Variants in EPHA6 observed in about 807,000 individuals in gnomAD.
EPHA6 encodes the protein ephrin type-A receptor 6.
A neutral mutation model predicts 112.0 loss-of-function variants in EPHA6; 50 were observed. The ratio of observed to expected loss-of-function variants is 0.45; its 90% CI spans 0.36 to 0.56. EPHA6 has a LOEUF of 0.56. Ranked by LOEUF, EPHA6 falls within the 20% of genes least tolerant of loss-of-function variation. The probability of loss-of-function intolerance (pLI) is 0.00; values close to 1 mark genes in which losing one functional copy is unlikely to be tolerated. For synonymous variants in EPHA6, 529 were observed against 490.7 expected (o/e 1.08, Z -1.03); for missense variants, 1,280 against 1,417.4 (o/e 0.90, Z 1.56).
At chr3:97,571,937 C>G (rs1030170503) in intron 11 of EPHA6, among the ~76,000 whole-genome samples, 2 of 152,168 alleles carry the variant, frequency 1.3e-5, no homozygotes, top group African/African-American at 2.4e-5. Context: ...ATCAGCTTTT[C>G]CATATACCTC....
At chr3:97,632,452 T>G (rs994162789) in intron 13 of EPHA6, among the ~76,000 whole-genome samples, 3 of 151,994 alleles carry the variant, frequency 2.0e-5, no homozygotes, top group African/African-American at 7.2e-5. Flanking sequence ...CAAAGCCAAG[T>G]TGGACCAAGT....
intron 3 of EPHA6, among the ~76,000 whole-genome samples, chr3:97,199,431 A>C (rs2077522969): frequency 6.6e-6 from 1 of 152,126 alleles, no homozygotes; most frequent in Admixed American, 6.6e-5. Context: ...TACCCGTTTC[A>C]GAGATTCTGA....
intron 5 of EPHA6, among the ~76,000 whole-genome samples, chr3:97,346,028 C>A (rs187132876): frequency 6.6e-5 from 10 of 152,156 alleles, no homozygotes; most frequent in African/African-American, 2.4e-4. Context: ...AAATGCTACA[C>A]CTCCTCTCAT....
intron 7 of EPHA6, among the ~76,000 whole-genome samples, chr3:97,467,114 T>C (rs748269139): frequency 2.0e-5 from 3 of 151,814 alleles, no homozygotes; most frequent in Non-Finnish European, 2.9e-5. Flanking sequence ...TCTCTCTCAC[T>C]AAAGAGAAAC....
intron 3 of EPHA6, among the ~76,000 whole-genome samples, chr3:97,171,337 G>C (rs1279799130): frequency 6.6e-6 from 1 of 152,008 alleles, no homozygotes; most frequent in Non-Finnish European, 1.5e-5. Context: ...AAACTTTTTT[G>C]AATCATGGAA....
At chr3:97,258,180 T>C (rs2079378477) in intron 5 of EPHA6, among the ~76,000 whole-genome samples, 1 of 151,952 alleles carries the variant, frequency 6.6e-6, no homozygotes, top group South Asian at 2.1e-4. Context: ...ATAGCACCTG[T>C]CACATAAAAT....
At chr3:96,897,872 CCTTT>C (rs1418033823) in intron 2 of EPHA6, among the ~76,000 whole-genome samples, 1 of 152,112 alleles carries the variant, frequency 6.6e-6, no homozygotes, top group East Asian at 1.9e-4. Context: ...GCAATTCCTT[CCTTT>C]GATTATGGAA....
intron 16 of EPHA6, among the ~76,000 whole-genome samples, chr3:97,736,447 T>TAGAGAGAG (rs3064321): frequency 1.5e-5 from 2 of 131,336 alleles, no homozygotes; most frequent in African/African-American, 5.7e-5. Context: ...CCTTTAGAAG[T>TAGAGAGAG]AGAGAGAGAG....
intron 3 of EPHA6, among the ~76,000 whole-genome samples, chr3:97,192,727 T>C (rs1341057484): frequency 6.6e-6 from 1 of 152,174 alleles, no homozygotes; most frequent in African/African-American, 2.4e-5. Context: ...GTTTCCCCAG[T>C]GTTTTCTTTT....
intron 14 of EPHA6, among the ~76,000 whole-genome samples, chr3:97,699,174 CT>C (rs2033218333): frequency 6.6e-6 from 1 of 152,140 alleles, no homozygotes; most frequent in African/African-American, 2.4e-5. Flanking sequence ...TAGTTTGCTC[CT>C]CTTCACTTCC....
intron 5 of EPHA6, among the ~76,000 whole-genome samples, chr3:97,391,100 T>C (rs2086368908): frequency 6.6e-6 from 1 of 151,994 alleles, no homozygotes; most frequent in Admixed American, 6.6e-5. Flanking sequence ...TTTCTGGCAT[T>C]ACTATTATCA....
chr3:96,827,357 TGGA>T (rs1247700117), intron 1 of EPHA6, among the ~76,000 whole-genome samples: 1 of 152,148 alleles, frequency 6.6e-6, no homozygotes, highest in Non-Finnish European at 1.5e-5. Context: ...TGAATATTTT[TGGA>T]GGAGTTTATG....
chr3:96,898,729 C>T (rs2038421567), intron 2 of EPHA6, among the ~76,000 whole-genome samples: 1 of 151,928 alleles, frequency 6.6e-6, no homozygotes, highest in Non-Finnish European at 1.5e-5. Flanking sequence ...GACTGATTGG[C>T]TTAAAATAAC....
At chr3:97,508,163 T>G (rs2107580288) in intron 10 of EPHA6, among the ~76,000 whole-genome samples, 1 of 152,274 alleles carries the variant, frequency 6.6e-6, no homozygotes, top group East Asian at 1.9e-4. Context: ...CTCTATCTCC[T>G]TCACTTCTGC....
chr3:96,834,828 T>G (rs572375351), intron 1 of EPHA6, among the ~76,000 whole-genome samples: 3 of 152,160 alleles, frequency 2.0e-5, no homozygotes, highest in South Asian at 4.1e-4. Context: ...ATCTAGGCTT[T>G]CCTTTAATTA....
At chr3:97,260,240 T>C (rs890440025) in intron 5 of EPHA6, among the ~76,000 whole-genome samples, 8 of 152,214 alleles carry the variant, frequency 5.3e-5, no homozygotes, top group African/African-American at 1.9e-4. Flanking sequence ...AGCATTTGGG[T>C]TGCCCTAACA....
chr3:96,892,950 ATATATGTGTGTGTGTG>A (rs2038050317), intron 2 of EPHA6, among the ~76,000 whole-genome samples: 1 of 136,346 alleles, frequency 7.3e-6, no homozygotes, highest in South Asian at 2.2e-4. Flanking sequence ...TTATATATAT[ATATATGTGTGTGTGTG>A]TGTGTGTGTG....
At chr3:97,661,282 C>T (rs770953255) in intron 14 of EPHA6, among the ~76,000 whole-genome samples, 16 of 150,476 alleles carry the variant, frequency 1.1e-4, no homozygotes, top group Non-Finnish European at 1.9e-4. Flanking sequence ...TACTCCCTAA[C>T]GCTGGTCAGC....
intron 9 of EPHA6, chr3:97,481,455 A>C: frequency 7.5e-7 from 1 of 1,330,506 alleles, no homozygotes; most frequent in Non-Finnish European, 1.1e-6. Context: ...TTTGCAGTTA[A>C]AAATATTTCA....
Sources: gnomAD v4.1 joint callset for allele counts (sites outside exome capture counted in the v4.1 genomes callset) on GRCh38, gnomAD v4.1.1 for gene constraint, MANE v1.5 for transcripts, NCBI Gene and HGNC (gene_info 2026-07-23, HGNC 2026-07-21) for gene names.